Variants in ADAMTS12 observed in about 807,000 individuals in gnomAD.
The protein encoded by ADAMTS12 is A disintegrin and metalloproteinase with thrombospondin motifs 12.
ADAMTS12 carries 118 observed loss-of-function variants against 167.8 expected under a neutral mutation model. The ratio of observed to expected loss-of-function variants is 0.70; its 90% CI spans 0.61 to 0.82. ADAMTS12 has a LOEUF of 0.82. ADAMTS12 is among the 40% of genes least tolerant of loss of function. ADAMTS12 has a pLI of 0.00. For missense variants in ADAMTS12, 1,916 were observed against 1,998.8 expected (o/e 0.96, Z 0.79); for synonymous variants, 704 against 716.9 (o/e 0.98, Z 0.29).
At chr5:33,682,388 G>A (rs1228473365) in intron 5 of ADAMTS12, among the ~76,000 whole-genome samples, 2 of 152,016 alleles carry the variant, frequency 1.3e-5, no homozygotes, top group African/African-American at 2.4e-5. Context: ...GAGATTTCAA[G>A]TACTTGGATA....
chr5:33,702,063 G>A (rs561935235), intron 3 of ADAMTS12, among the ~76,000 whole-genome samples: 2 of 152,100 alleles, frequency 1.3e-5, no homozygotes, highest in Admixed American at 6.6e-5. Flanking sequence ...AAAAACTAAA[G>A]TCTCCAACCC....
At chr5:33,862,092 G>A (rs895989452) in intron 2 of ADAMTS12, among the ~76,000 whole-genome samples, 7 of 152,004 alleles carry the variant, frequency 4.6e-5, no homozygotes, top group South Asian at 2.1e-4. Context: ...ATCCAAAATC[G>A]ACACACTAAC....
chr5:33,600,904 C>T (rs568128734), intron 16 of ADAMTS12, among the ~76,000 whole-genome samples: 3 of 152,172 alleles, frequency 2.0e-5, no homozygotes, highest in East Asian at 1.9e-4. Flanking sequence ...ATTGTTTATC[C>T]GTCCGTCTCT....
At chr5:33,887,606 T>G (rs965335640) in intron 1 of ADAMTS12, among the ~76,000 whole-genome samples, 3 of 152,202 alleles carry the variant, frequency 2.0e-5, no homozygotes, top group East Asian at 3.8e-4. Context: ...CAATGGTACT[T>G]CATGAGAAAT....
chr5:33,705,250 C>T (rs1743150558), intron 3 of ADAMTS12, among the ~76,000 whole-genome samples: 1 of 148,806 alleles, frequency 6.7e-6, no homozygotes, highest in African/African-American at 2.5e-5. Flanking sequence ...CTTTTTATGG[C>T]CAAGTAGTAT....
intron 23 of ADAMTS12, among the ~76,000 whole-genome samples, chr5:33,532,820 G>A (rs575143474): frequency 6.6e-6 from 1 of 152,246 alleles, no homozygotes; most frequent in East Asian, 1.9e-4. Flanking sequence ...AATATACTTA[G>A]GAGTATGTTA....
intron 13 of ADAMTS12, among the ~76,000 whole-genome samples, chr5:33,629,207 G>C (rs993861492): frequency 1.3e-5 from 2 of 152,134 alleles, no homozygotes; most frequent in African/African-American, 4.8e-5. Context: ...TTTGCATTGA[G>C]AGAAATAGCA....
chr5:33,541,420 A>T (rs1744689619), intron 22 of ADAMTS12, among the ~76,000 whole-genome samples: 2 of 152,214 alleles, frequency 1.3e-5, no homozygotes, highest in South Asian at 4.1e-4. Context: ...TCAAGATATT[A>T]TCCAGGAAAA....
In ADAMTS12 at chr5:33,588,586, G is replaced by T; in HGVS notation, c.2865+13C>A. ...TGAATAATGCCAGTTTCCCCGCCGA[G>T]CCCTGAGCTCACCTCACTCCAGTTG... On this transcript the variant is annotated intron_variant, in intron 18 of 23. Coordinates refer to ENST00000504830, the MANE Select transcript of ADAMTS12 (RefSeq NM_030955.4). 6.2e-7 allele frequency: 1 copy of T among 1,613,286 alleles called. No individual in the cohort carries two copies. The highest frequency in any genetic ancestry group is 8.5e-7 in the Non-Finnish European group (1 of 1,179,214).
At chr5:33,671,835 C>T (rs1741703740) in intron 5 of ADAMTS12, among the ~76,000 whole-genome samples, 2 of 151,200 alleles carry the variant, frequency 1.3e-5, no homozygotes, top group South Asian at 2.1e-4. Context: ...CACACACCCA[C>T]ACACTCACAT....
chr5:33,797,343 T>TA (rs1746816836), intron 2 of ADAMTS12, among the ~76,000 whole-genome samples: 1 of 152,100 alleles, frequency 6.6e-6, no homozygotes, highest in Non-Finnish European at 1.5e-5. Flanking sequence ...TGCTATCTCC[T>TA]GGAGTTATAA....
intron 2 of ADAMTS12, among the ~76,000 whole-genome samples, chr5:33,872,407 T>G (rs1423517898): frequency 6.6e-6 from 1 of 150,900 alleles, no homozygotes; most frequent in Non-Finnish European, 1.5e-5. Context: ...ATTAGCCGGG[T>G]ATGGTGGCAC....
intron 3 of ADAMTS12, among the ~76,000 whole-genome samples, chr5:33,707,146 T>A (rs1283457694): frequency 1.3e-5 from 2 of 152,128 alleles, no homozygotes; most frequent in African/African-American, 4.8e-5. Flanking sequence ...CAAGCATTCC[T>A]ACACACCAAT....
chr5:33,752,476 TG>T (rs1745022545), intron 2 of ADAMTS12, among the ~76,000 whole-genome samples: 1 of 152,238 alleles, frequency 6.6e-6, no homozygotes, highest in African/African-American at 2.4e-5. Flanking sequence ...AGCAAGTGAC[TG>T]GCTGAGTTTT....
chr5:33,560,140 T>C (rs1369780626), intron 20 of ADAMTS12, among the ~76,000 whole-genome samples: 3 of 152,228 alleles, frequency 2.0e-5, no homozygotes, highest in Non-Finnish European at 4.4e-5. Flanking sequence ...ACTTAACTTT[T>C]CTGGTTTATC....
rs138028464 is a variant in ADAMTS12 at position 33,720,885 on chromosome 5, A to G, written c.634+30519T>C. ...GTATGTGTATGTGTGATGTGTGTGT[A>G]TTCTCAAAAGCATGTACACATTTTT... On this transcript the variant is annotated intron_variant, in intron 3 of 23. Transcript: ENST00000504830. 2.6e-5 allele frequency among the ~76,000 whole-genome samples: 4 copies of G among 152,306 alleles called. No homozygotes were observed. The East Asian group carries it at 7.7e-4, about 29-fold the overall frequency.
At chr5:33,631,185 A>G (rs1739909697) in intron 12 of ADAMTS12, among the ~76,000 whole-genome samples, 1 of 152,222 alleles carries the variant, frequency 6.6e-6, no homozygotes, top group Admixed American at 6.5e-5. Flanking sequence ...TGCTGTAAAC[A>G]ATGACTTCTT....
intron 13 of ADAMTS12, among the ~76,000 whole-genome samples, chr5:33,626,605 G>A (rs2098661131): frequency 6.6e-6 from 1 of 151,480 alleles, no homozygotes; most frequent in African/African-American, 2.4e-5. Context: ...TGATGGTGGT[G>A]GTGGTGGTGA....
chr5:33,568,226 C>G (rs1237067710), intron 19 of ADAMTS12, among the ~76,000 whole-genome samples: 2 of 152,232 alleles, frequency 1.3e-5, no homozygotes, highest in Non-Finnish European at 2.9e-5. Flanking sequence ...TTTTCTACCT[C>G]TGAAGCTGAA....
Sources: gnomAD v4.1 joint callset for allele counts (sites outside exome capture counted in the v4.1 genomes callset) on GRCh38, gnomAD v4.1.1 for gene constraint, MANE v1.5 for transcripts, NCBI Gene and HGNC (gene_info 2026-07-23, HGNC 2026-07-21) for gene names.